The following SLIT3 variants were observed in gnomAD, a reference collection of about 807,000 sequenced individuals.
SLIT3 encodes the protein slit homolog 3 protein.
In SLIT3, 68 loss-of-function variants were observed where a neutral mutation model predicts 184.0. The observed-to-expected ratio is 0.37, with a 90% confidence interval of 0.30 to 0.45. The LOEUF (loss-of-function observed/expected upper bound fraction) is 0.45. Among genes scored for constraint, SLIT3 ranks in the 20% least tolerant of loss-of-function variants. SLIT3 has a pLI of 1.00. For missense variants in SLIT3, 1,707 were observed against 2,026.0 expected (o/e 0.84, Z 3.02); for synonymous variants, 831 against 828.6 (o/e 1.00, Z -0.05).
chr5:168,849,438 T>C (rs886287782), intron 5 of SLIT3, among the ~76,000 whole-genome samples: 12 of 152,226 alleles, frequency 7.9e-5, no homozygotes, highest in African/African-American at 2.2e-4. Context: ...AATTTCTGAA[T>C]AAATCTATCC....
At chr5:168,930,085 C>T (rs749953767) in intron 4 of SLIT3, among the ~76,000 whole-genome samples, 6 of 152,326 alleles carry the variant, frequency 3.9e-5, no homozygotes, top group African/African-American at 4.8e-5. Context: ...GGAGGTCTCA[C>T]CTGCATTCCT....
intron 3 of SLIT3, among the ~76,000 whole-genome samples, chr5:169,239,590 A>G (rs555530186): frequency 6.6e-6 from 1 of 151,990 alleles, no homozygotes; most frequent in Non-Finnish European, 1.5e-5. Flanking sequence ...GTCTGCTCCT[A>G]TTATCACTTT....
chr5:168,722,418 T>C, intron 22 of SLIT3, 91 bp from the exon 23 acceptor site: 2 of 1,131,708 alleles, frequency 1.8e-6, no homozygotes, highest in Non-Finnish European at 2.6e-6. Context: ...AAGCAAATGG[T>C]TTATCTTTTC....
intron 4 of SLIT3, among the ~76,000 whole-genome samples, chr5:169,053,223 G>A (rs1757874328): frequency 6.6e-6 from 1 of 152,258 alleles, no homozygotes; most frequent in African/African-American, 2.4e-5. Flanking sequence ...ATGAATGAAG[G>A]GTCAATAGAT....
chr5:169,271,519 G>A (rs1182954057), intron 1 of SLIT3, among the ~76,000 whole-genome samples: 1 of 152,192 alleles, frequency 6.6e-6, no homozygotes, highest in Non-Finnish European at 1.5e-5. Flanking sequence ...GCTGGTGCAC[G>A]GGGCATTGCG....
At chr5:169,108,749 A>C (rs1353141420) in intron 4 of SLIT3, among the ~76,000 whole-genome samples, 1 of 152,118 alleles carries the variant, frequency 6.6e-6, no homozygotes, top group African/African-American at 2.4e-5. Flanking sequence ...CCTCCCCCTC[A>C]TTGCACACTC....
intron 5 of SLIT3, among the ~76,000 whole-genome samples, chr5:168,869,546 C>T (rs1000190097): frequency 2.0e-5 from 3 of 152,156 alleles, no homozygotes; most frequent in African/African-American, 7.2e-5. Flanking sequence ...TTGACACAGC[C>T]TCTGTTTATT....
Position 169,216,501 on chromosome 5 carries a change from G to A in SLIT3, c.342-22951C>T, listed in dbSNP as rs1581065054. ...CCAAGAGATGAGAAAGGCTCTGATAGAAACAGTAGCAAGTTCAGCAGTCTT... is the reference window on the plus strand; with the variant it reads ...CCAAGAGATGAGAAAGGCTCTGATAAAAACAGTAGCAAGTTCAGCAGTCTT... On this transcript the variant is annotated intron_variant, in intron 3 of 35. Coordinates refer to ENST00000519560, the MANE Select transcript of SLIT3 (RefSeq NM_003062.4). Among the ~76,000 whole-genome samples, 4 of 152,218 alleles carry A rather than the reference G, an allele frequency of 2.6e-5. No individual in the cohort carries two copies. In the South Asian group the frequency reaches 6.2e-4, roughly 24 times the overall value.
At chr5:169,032,797 A>G (rs1030839109) in intron 4 of SLIT3, among the ~76,000 whole-genome samples, 1 of 152,074 alleles carries the variant, frequency 6.6e-6, no homozygotes, top group African/African-American at 2.4e-5. Context: ...CTCATTTTGT[A>G]AAATGAATTT....
chr5:169,145,280 A>G (rs970943434), intron 4 of SLIT3, among the ~76,000 whole-genome samples: 5 of 151,766 alleles, frequency 3.3e-5, no homozygotes, highest in Non-Finnish European at 7.4e-5. Flanking sequence ...TGGACTACAG[A>G]GGAAACACAA....
intron 4 of SLIT3, among the ~76,000 whole-genome samples, chr5:168,902,672 G>T (rs1256459866): frequency 1.3e-5 from 2 of 152,226 alleles, no homozygotes; most frequent in Non-Finnish European, 2.9e-5. Context: ...AAGCTCTGGG[G>T]TTGGGGCACA....
intron 32 of SLIT3, among the ~76,000 whole-genome samples, chr5:168,679,947 CAGAG>C (rs1191305653): frequency 6.6e-6 from 1 of 152,216 alleles, no homozygotes; most frequent in East Asian, 1.9e-4. Flanking sequence ...AATCAAGACT[CAGAG>C]AGCATGCACT....
intron 5 of SLIT3, among the ~76,000 whole-genome samples, chr5:168,861,587 T>G (rs1759111149): frequency 6.6e-6 from 1 of 152,118 alleles, no homozygotes; most frequent in Non-Finnish European, 1.5e-5. Flanking sequence ...AGGAGCTGAT[T>G]CCAGAAAAGG....
At chr5:168,824,143 G>A (rs1757626426) in intron 6 of SLIT3, among the ~76,000 whole-genome samples, 1 of 152,118 alleles carries the variant, frequency 6.6e-6, no homozygotes, top group Non-Finnish European at 1.5e-5. Flanking sequence ...CACCATGTGG[G>A]CCAGGCTGGG....
intron 6 of SLIT3, among the ~76,000 whole-genome samples, chr5:168,823,655 A>C (rs553894581): frequency 6.6e-6 from 1 of 152,286 alleles, no homozygotes; most frequent in East Asian, 1.9e-4. Flanking sequence ...TACATCTACA[A>C]TGCCAGTTAC....
chr5:169,236,845 T>G (rs1159713867), intron 3 of SLIT3, among the ~76,000 whole-genome samples: 4 of 152,198 alleles, frequency 2.6e-5, no homozygotes, highest in African/African-American at 9.7e-5. Context: ...ATATATTCAT[T>G]GATATTAAAT....
At chr5:168,706,878 G>C (rs1261200402) in intron 26 of SLIT3, 4 of 152,314 alleles carry the variant, frequency 2.6e-5, no homozygotes, top group Non-Finnish European at 5.9e-5. Flanking sequence ...TGGGGGCAGA[G>C]ACCTGGGGAT....
At chr5:168,801,147 C>A (rs1011045372) in intron 9 of SLIT3, among the ~76,000 whole-genome samples, 1 of 152,146 alleles carries the variant, frequency 6.6e-6, no homozygotes, top group African/African-American at 2.4e-5. Flanking sequence ...GTCTGATCAG[C>A]TTCTCCTTCG....
At chr5:168,778,677 G>T (rs537325690) in intron 12 of SLIT3, among the ~76,000 whole-genome samples, 8 of 152,336 alleles carry the variant, frequency 5.3e-5, no homozygotes, top group African/African-American at 1.9e-4. Context: ...TGATATGCCT[G>T]GCTCTGTGAT....
Sources: allele counts gnomAD v4.1 joint callset (sites outside exome capture counted in the v4.1 genomes callset), GRCh38; gene constraint gnomAD v4.1.1; transcripts MANE v1.5; gene names NCBI Gene and HGNC (gene_info 2026-07-23, HGNC 2026-07-21).